Variants in DMD observed in about 807,000 individuals in gnomAD.
DMD encodes the protein dystrophin.
Under a neutral mutation model 330.1 loss-of-function variants are expected in DMD, and 63 were observed. That is an observed-to-expected ratio of 0.19 (90% CI 0.16 to 0.24). The LOEUF is 0.24. DMD is among the 10% of genes least tolerant of loss of function. DMD has a pLI of 1.00. For missense variants in DMD, 3,344 were observed against 2,684.1 expected (o/e 1.25, Z -5.43); for synonymous variants, 1,223 against 959.8 (o/e 1.27, Z -5.07).
intron 37 of DMD, among the ~76,000 whole-genome samples, chrX:32,356,260 T>A (rs1018444145): frequency 1.8e-5 from 2 of 109,281 alleles, no homozygotes; most frequent in African/African-American, 6.7e-5. Context: ...TGTTTCTTTT[T>A]CTTATATATT....
At chrX:33,273,196 A>G (rs1250629399) in intron 1 of DMD, among the ~76,000 whole-genome samples, 1 of 112,165 alleles carries the variant, frequency 8.9e-6, no homozygotes, top group African/African-American at 3.2e-5. Flanking sequence ...CTGTTGTAAC[A>G]TGTTCTGGAC....
intron 50 of DMD, among the ~76,000 whole-genome samples, chrX:31,813,077 G>C (rs763297143): frequency 3.6e-5 from 4 of 111,870 alleles, no homozygotes; most frequent in Non-Finnish European, 7.5e-5. Context: ...TGAGATATAT[G>C]AGAATACTGA....
chrX:32,187,370 G>A (rs1015640772), intron 44 of DMD, among the ~76,000 whole-genome samples: 2 of 111,103 alleles, frequency 1.8e-5, no homozygotes, highest in African/African-American at 6.5e-5. Flanking sequence ...TCTACCACAG[G>A]AAAGCATTAC....
intron 44 of DMD, among the ~76,000 whole-genome samples, chrX:31,989,086 T>A (rs1259919009): frequency 8.9e-6 from 1 of 112,329 alleles, no homozygotes; most frequent in Non-Finnish European, 1.9e-5. Flanking sequence ...TTCCTTTTAA[T>A]CAGGCTTTTT....
intron 7 of DMD, among the ~76,000 whole-genome samples, chrX:32,706,073 G>T (rs1316998952): frequency 2.8e-5 from 3 of 107,829 alleles, no homozygotes; most frequent in African/African-American, 6.8e-5. Context: ...CATGTCCTTT[G>T]TAGGGACATG....
At chrX:32,551,470 C>T (rs759031076) in intron 16 of DMD, among the ~76,000 whole-genome samples, 1 of 111,517 alleles carries the variant, frequency 9.0e-6, no homozygotes, top group East Asian at 2.8e-4. Context: ...ACAAACTAGG[C>T]ACTGAAGGAA....
At chrX:32,851,273 A>G (rs982445870) in intron 2 of DMD, among the ~76,000 whole-genome samples, 16 of 111,881 alleles carry the variant, frequency 1.4e-4, no homozygotes, top group Admixed American at 2.8e-4. Context: ...GCAGGGAACA[A>G]TGATACCTGC....
chrX:32,466,585 G>C (rs935124272), intron 23 of DMD, among the ~76,000 whole-genome samples: 10 of 111,106 alleles, frequency 9.0e-5, no homozygotes, highest in African/African-American at 3.3e-4. Flanking sequence ...ATCCACCAGG[G>C]CATAATGTAA....
chrX:32,784,197 T>C (rs921347733), intron 7 of DMD, among the ~76,000 whole-genome samples: 3 of 112,140 alleles, frequency 2.7e-5, no homozygotes, highest in Non-Finnish European at 3.8e-5. Context: ...CAATATATGT[T>C]ACCTTTATAG....
chrX:32,833,376 T>C (rs1307858558), intron 4 of DMD, among the ~76,000 whole-genome samples: 1 of 110,660 alleles, frequency 9.0e-6, no homozygotes, highest in Non-Finnish European at 1.9e-5. Context: ...AATAGAAGTT[T>C]TGATACAGGT....
chrX:32,229,725 T>TAA (rs1400192795), intron 43 of DMD, among the ~76,000 whole-genome samples: 10 of 69,280 alleles, frequency 1.4e-4, no homozygotes, highest in Non-Finnish European at 2.4e-4. Flanking sequence ...TATATATATA[T>TAA]AAAATCAAAG....
intron 11 of DMD, among the ~76,000 whole-genome samples, chrX:32,615,038 T>C (rs2057454892): frequency 9.0e-6 from 1 of 111,071 alleles, no homozygotes; most frequent in African/African-American, 3.3e-5. Context: ...AGAGACCATA[T>C]AGGAGTGATT....
chrX:31,723,048 A>C (rs2085698718), intron 52 of DMD, among the ~76,000 whole-genome samples: 1 of 107,933 alleles, frequency 9.3e-6, no homozygotes, highest in African/African-American at 3.4e-5. Flanking sequence ...CTCTGTCTCA[A>C]AAAAAAAATT....
intron 7 of DMD, among the ~76,000 whole-genome samples, chrX:32,783,929 T>TA (rs1209313857): frequency 2.8e-5 from 3 of 107,135 alleles, no homozygotes; most frequent in Non-Finnish European, 3.9e-5. Context: ...ACTTAAAAGA[T>TA]AGATTTATTA....
chrX:32,870,962 A>C (rs1421184172), intron 2 of DMD, among the ~76,000 whole-genome samples: 1 of 54,619 alleles, frequency 1.8e-5, no homozygotes, highest in Non-Finnish European at 3.6e-5. Flanking sequence ...GTACAGCAAA[A>C]AAAAAAAAAA....
chrX:33,112,812 G>T (rs777850543), intron 1 of DMD, among the ~76,000 whole-genome samples: 2 of 108,534 alleles, frequency 1.8e-5, no homozygotes, highest in African/African-American at 6.7e-5. Flanking sequence ...TATCGGCCAG[G>T]CGCGGTGGCT....
At chrX:32,762,584 C>T (rs987905053) in intron 7 of DMD, among the ~76,000 whole-genome samples, 12 of 111,585 alleles carry the variant, frequency 1.1e-4, no homozygotes, top group African/African-American at 3.6e-4. Context: ...ATATGGTAGA[C>T]TGCAAAGGAT....
chrX:32,356,807 AGTTT>A (rs1463346235), intron 37 of DMD, among the ~76,000 whole-genome samples: 2 of 112,082 alleles, frequency 1.8e-5, no homozygotes, highest in African/African-American at 3.2e-5. Context: ...ACACACCTAA[AGTTT>A]GTTTAGTCAA....
chrX:32,830,552 T>C (rs1243298434), intron 4 of DMD, among the ~76,000 whole-genome samples: 1 of 111,582 alleles, frequency 9.0e-6, no homozygotes, highest in Non-Finnish European at 1.9e-5. Flanking sequence ...TTACCCAAAG[T>C]TCTGCTTTCC....
Sources: gnomAD v4.1 joint callset for allele counts (sites outside exome capture counted in the v4.1 genomes callset) on GRCh38, gnomAD v4.1.1 for gene constraint, MANE v1.5 for transcripts, NCBI Gene and HGNC (gene_info 2026-07-23, HGNC 2026-07-21) for gene names.